GLDN: variants seen among roughly 807,000 people sequenced by gnomAD.
The protein encoded by GLDN is gliomedin.
Under a neutral mutation model 56.5 loss-of-function variants are expected in GLDN, and 47 were observed. The observed-to-expected ratio is 0.83, with a 90% confidence interval of 0.66 to 1.06. GLDN has a LOEUF of 1.06. GLDN is among the 50% of genes least tolerant of loss of function. The pLI is 0.00. For synonymous variants in GLDN, 332 were observed against 278.8 expected, an observed-to-expected ratio of 1.19 and a Z score of -1.90; for missense variants, 782 against 714.3, an observed-to-expected ratio of 1.09 and a Z score of -1.08.
intron 1 of GLDN, among the ~76,000 whole-genome samples, chr15:51,348,582 C>G (rs1012571572): frequency 3.3e-5 from 5 of 152,096 alleles, no homozygotes; most frequent in African/African-American, 1.2e-4. Context: ...AATCCTCCTG[C>G]TTCAGCCTCC....
At chr15:51,393,450 G>C (rs1236111366) in intron 4 of GLDN, among the ~76,000 whole-genome samples, 1 of 152,184 alleles carries the variant, frequency 6.6e-6, no homozygotes, top group African/African-American at 2.4e-5. Flanking sequence ...CCGTGGGAAT[G>C]AGGACTTTTT....
At chr15:51,397,434 G>C (rs1380227333) in intron 5 of GLDN, 36 bp from the exon 6 acceptor site, 2 of 1,152,098 alleles carry the variant, frequency 1.7e-6, no homozygotes, top group Admixed American at 3.8e-5. Flanking sequence ...TCTACCTCTT[G>C]CCTCCTTCTC....
intron 2 of GLDN, among the ~76,000 whole-genome samples, chr15:51,382,891 C>A (rs1481204465): frequency 6.6e-6 from 1 of 152,126 alleles, no homozygotes; most frequent in Non-Finnish European, 1.5e-5. Context: ...TAATTACATG[C>A]TAAGGAAGGT....
chr15:51,362,280 T>C (rs2037314591), intron 1 of GLDN, among the ~76,000 whole-genome samples: 1 of 151,238 alleles, frequency 6.6e-6, no homozygotes, highest in South Asian at 2.1e-4. Flanking sequence ...AGGTCAGGAG[T>C]TCGAGACCAG....
intron 1 of GLDN, among the ~76,000 whole-genome samples, chr15:51,375,730 A>G (rs1158696368): frequency 6.6e-6 from 1 of 152,234 alleles, no homozygotes; most frequent in African/African-American, 2.4e-5. Context: ...ACCCAGGGGC[A>G]GTTTCCACGT....
intron 9 of GLDN, among the ~76,000 whole-genome samples, chr15:51,402,409 G>A (rs202124099): frequency 2.6e-5 from 4 of 152,242 alleles, no homozygotes; most frequent in African/African-American, 9.6e-5. Flanking sequence ...CAAATCAAGA[G>A]AGCAATGAAC....
rs1485052530 is a variant in GLDN at position 51,394,835 on chromosome 15, G to A, written c.542G>A (p.Gly181Glu). ...ATATGTCTTTTGTTTTTTTGGTCAG[G>A]GATACCTGGAGCTGCAGGAAATCCA... is the stretch of plus-strand genomic sequence containing the variant. ...KGANGKRGKM[G>E]IPGAAGNPGE... Residue 181 changes from glycine to glutamate, a missense_variant and splice_region_variant, in exon 5 of 10, where the codon GGG becomes GAG. By Grantham distance (98) the Gly-to-Glu change is moderately conservative. Transcript: ENST00000335449. The A allele has an allele frequency of 1.2e-6, 2 of 1,613,452 alleles. No homozygotes were observed. The highest frequency in any genetic ancestry group is 1.7e-6 in the Non-Finnish European group (2 of 1,179,738).
chr15:51,384,000 C>T (rs1189494488), intron 4 of GLDN, 108 bp downstream of exon 4: 2 of 852,180 alleles, frequency 2.3e-6, no homozygotes, highest in Non-Finnish European at 3.9e-6. Flanking sequence ...CATCTCTGCA[C>T]AGTTTAAGGC....
At chr15:51,367,165 C>T (rs758324414) in intron 1 of GLDN, among the ~76,000 whole-genome samples, 89 of 152,324 alleles carry the variant, frequency 5.8e-4, no homozygotes, top group Middle Eastern at 3.4e-3. Flanking sequence ...ATCCAGCCTT[C>T]CCCTTGACCT....
At chr15:51,384,137 T>A (rs1365171428) in intron 4 of GLDN, 3 of 491,308 alleles carry the variant, frequency 6.1e-6, no homozygotes, top group African/African-American at 5.9e-5. Flanking sequence ...CGCACCCTTC[T>A]GCTGCAGATG....
At chr15:51,401,468 G>C (rs2038247658) in intron 8 of GLDN, 125 bp from the exon 9 acceptor site, 2 of 811,154 alleles carry the variant, frequency 2.5e-6, no homozygotes, top group Non-Finnish European at 4.1e-6. Context: ...CTTCACACTG[G>C]ACAAGGGACC....
At chr15:51,357,124 C>A (rs922331979) in intron 1 of GLDN, among the ~76,000 whole-genome samples, 4 of 152,232 alleles carry the variant, frequency 2.6e-5, no homozygotes, top group Non-Finnish European at 4.4e-5. Flanking sequence ...AAATATTTGA[C>A]TGTAGTTGGG....
intron 1 of GLDN, among the ~76,000 whole-genome samples, chr15:51,359,940 C>T (rs1441158066): frequency 1.3e-5 from 2 of 148,900 alleles, no homozygotes; most frequent in East Asian, 3.9e-4. Flanking sequence ...GATTGCGCCA[C>T]TGCACTCCAG....
downstream of GLDN, among the ~76,000 whole-genome samples, chr15:51,412,670 A>C (rs928990093): frequency 1.3e-5 from 2 of 152,140 alleles, no homozygotes; most frequent in Non-Finnish European, 2.9e-5. Context: ...TAGGCAGCAT[A>C]TAGTTAAGCT....
At chr15:51,383,690 G>A in intron 3 of GLDN, 95 bp from the exon 4 acceptor site, 1 of 1,048,314 alleles carries the variant, frequency 9.5e-7, no homozygotes, top group Non-Finnish European at 1.4e-6. Flanking sequence ...ATTGATGCCT[G>A]CTCAGTTTCA....
At chr15:51,354,934 T>C (rs1440992807) in intron 1 of GLDN, among the ~76,000 whole-genome samples, 1 of 152,160 alleles carries the variant, frequency 6.6e-6, no homozygotes, top group Non-Finnish European at 1.5e-5. Context: ...CAAGAAACAA[T>C]TCACGTATGG....
At chr15:51,399,157 A>T (rs2038196744) in intron 6 of GLDN, among the ~76,000 whole-genome samples, 2 of 152,142 alleles carry the variant, frequency 1.3e-5, no homozygotes, top group South Asian at 4.1e-4. Flanking sequence ...AGGGTTGCCC[A>T]TGGGAAGTTG....
rs1355086872 is a variant in GLDN at position 51,400,445 on chromosome 15, G to C, written c.974G>C (p.Arg325Thr). 6.2e-7 allele frequency: 1 copy of C among 1,614,210 alleles called. No homozygotes were observed. The highest frequency in any genetic ancestry group is 1.7e-5 in the Admixed American group (1 of 60,034). The change falls in exon 8 of 10, where the codon AGA (arginine) becomes ACA (threonine). Residue 325 changes from arginine (R) to threonine (T), a missense_variant. Transcript: ENST00000335449. ...ACAGAGACATTTGGGACTTGGATAA[G>C]AGAGTCTGCTAACAAGAGTGATGAC... is the stretch of plus-strand genomic sequence containing the variant. ...KVTETFGTWI[R>T]ESANKSDDRI...
intron 1 of GLDN, among the ~76,000 whole-genome samples, chr15:51,351,647 C>A (rs1373723042): frequency 6.6e-6 from 1 of 152,228 alleles, no homozygotes; most frequent in Non-Finnish European, 1.5e-5. Context: ...CACAGGCTCA[C>A]CTGCCCATGG....
Sources: allele counts gnomAD v4.1 joint callset (sites outside exome capture counted in the v4.1 genomes callset), GRCh38; gene constraint gnomAD v4.1.1; transcripts MANE v1.5; gene names NCBI Gene and HGNC (gene_info 2026-07-23, HGNC 2026-07-21).